CLVS1: variants seen among roughly 807,000 people sequenced by gnomAD.
CLVS1 encodes clavesin-1.
Under a neutral mutation model 33.1 loss-of-function variants are expected in CLVS1, and 10 were observed. The ratio of observed to expected loss-of-function variants is 0.30; its 90% CI spans 0.19 to 0.51. The LOEUF (loss-of-function observed/expected upper bound fraction) is 0.51, where lower values mean the gene tolerates loss of function less well. Ranked by LOEUF, CLVS1 falls within the 20% of genes least tolerant of loss-of-function variation. CLVS1 has a pLI of 0.97. For missense variants in CLVS1, 343 were observed against 433.4 expected, an observed-to-expected ratio of 0.79 and a Z score of 1.85; for synonymous variants, 163 against 166.1, an observed-to-expected ratio of 0.98 and a Z score of 0.14.
the CLVS1 span, among the ~76,000 whole-genome samples, chr8:61,042,028 G>A: frequency 6.6e-6 from 1 of 152,176 alleles, no homozygotes; most frequent in East Asian, 1.9e-4. Context: ...TAAGAGTTTT[G>A]TTAACTTGGA....
intron 2 of CLVS1, among the ~76,000 whole-genome samples, chr8:61,322,923 C>T (rs1585800626): frequency 6.6e-6 from 1 of 152,136 alleles, no homozygotes; most frequent in East Asian, 1.9e-4. Flanking sequence ...TACTTTGAAC[C>T]TCCCAAATTT....
At chr8:61,110,021 T>C (rs779075734) in intron 1 of CLVS1, among the ~76,000 whole-genome samples, 44 of 152,170 alleles carry the variant, frequency 2.9e-4, no homozygotes, top group Non-Finnish European at 3.8e-4. Flanking sequence ...ACTAAGACAT[T>C]AGCCTCACTT....
chr8:61,081,020 C>T (rs898797811), intron 1 of CLVS1, among the ~76,000 whole-genome samples: 4 of 152,128 alleles, frequency 2.6e-5, no homozygotes, highest in African/African-American at 7.2e-5. Context: ...CAGAAAATGT[C>T]TACAATCTTA....
chr8:61,382,482 G>A (rs1163362054), intron 3 of CLVS1, among the ~76,000 whole-genome samples: 2 of 152,136 alleles, frequency 1.3e-5, no homozygotes, highest in East Asian at 3.8e-4. Flanking sequence ...CTGAGAGCTG[G>A]TTAGAAATGC....
At chr8:61,392,842 C>CAAAAAAAAAAAAAAAAAAAA (rs570764748) in intron 3 of CLVS1, among the ~76,000 whole-genome samples, 1 of 149,572 alleles carries the variant, frequency 6.7e-6, no homozygotes, top group African/African-American at 2.5e-5. Flanking sequence ...GACTCTGTCT[C>CAAAAAAAAAAAAAAAAAAAA]AAAAAAAACA....
intron 3 of CLVS1, among the ~76,000 whole-genome samples, chr8:61,402,372 C>A (rs4147445): frequency 0.57 from 85,863 of 151,828 alleles, 28,457 homozygotes; most frequent in Non-Finnish European, 0.73. Context: ...CCTAGGGATC[C>A]TTATACTCCT....
At chr8:60,968,335 G>A in the CLVS1 span, among the ~76,000 whole-genome samples, 1 of 152,150 alleles carries the variant, frequency 6.6e-6, no homozygotes, top group Non-Finnish European at 1.5e-5. Flanking sequence ...GACCAACATG[G>A]TGAAACCCTG....
At chr8:61,245,498 A>G (rs185000882) in intron 2 of CLVS1, among the ~76,000 whole-genome samples, 5 of 151,790 alleles carry the variant, frequency 3.3e-5, no homozygotes, top group African/African-American at 4.8e-5. Context: ...TCTGTCTTTC[A>G]TAAGAAGCAT....
At chr8:61,483,009 T>C (rs200696884) in intron 5 of CLVS1, among the ~76,000 whole-genome samples, 3 of 151,866 alleles carry the variant, frequency 2.0e-5, no homozygotes, top group Admixed American at 1.3e-4. Context: ...AAAATTGACA[T>C]CCTAACATCA....
At chr8:61,267,705 AT>A (rs1809340231) in intron 2 of CLVS1, among the ~76,000 whole-genome samples, 2 of 152,224 alleles carry the variant, frequency 1.3e-5, no homozygotes. Context: ...AATATATTAA[AT>A]GATAATCATG....
chr8:61,171,001 T>C (rs1302310973), intron 2 of CLVS1, among the ~76,000 whole-genome samples: 3 of 152,232 alleles, frequency 2.0e-5, no homozygotes, highest in Admixed American at 6.5e-5. Flanking sequence ...GAGTAAAACA[T>C]ATGACTCTTT....
At chr8:61,353,427 C>T (rs1262512162) in intron 2 of CLVS1, among the ~76,000 whole-genome samples, 1 of 151,862 alleles carries the variant, frequency 6.6e-6, no homozygotes, top group Non-Finnish European at 1.5e-5. Flanking sequence ...GGAAATTAAA[C>T]ATACACTTCT....
At chr8:61,347,139 C>T (rs936152547) in intron 2 of CLVS1, among the ~76,000 whole-genome samples, 1 of 152,152 alleles carries the variant, frequency 6.6e-6, no homozygotes, top group Non-Finnish European at 1.5e-5. Context: ...AAGGCACAGA[C>T]ATGCTGAGCC....
chr8:61,421,660 C>A (rs1370968018), intron 3 of CLVS1, among the ~76,000 whole-genome samples: 1 of 152,258 alleles, frequency 6.6e-6, no homozygotes, highest in Non-Finnish European at 1.5e-5. Flanking sequence ...TGGTGTCCAG[C>A]TGAACAGGTT....
chr8:61,197,801 T>C (rs1216273102), intron 2 of CLVS1, among the ~76,000 whole-genome samples: 1 of 152,220 alleles, frequency 6.6e-6, no homozygotes, highest in Non-Finnish European at 1.5e-5. Flanking sequence ...ATTACAGGCA[T>C]AAGCCACAGT....
intron 2 of CLVS1, among the ~76,000 whole-genome samples, chr8:61,159,869 G>A (rs967919870): frequency 6.6e-6 from 1 of 152,152 alleles, no homozygotes; most frequent in African/African-American, 2.4e-5. Flanking sequence ...TCAAACCATT[G>A]TCTACACCCA....
chr8:61,441,868 G>C (rs1163056743), intron 3 of CLVS1, among the ~76,000 whole-genome samples: 1 of 152,200 alleles, frequency 6.6e-6, no homozygotes, highest in Admixed American at 6.5e-5. Context: ...ACTTAACACT[G>C]TCTGAGACTC....
chr8:61,161,801 C>T (rs558385121), intron 2 of CLVS1, among the ~76,000 whole-genome samples: 8 of 152,086 alleles, frequency 5.3e-5, no homozygotes, highest in Non-Finnish European at 8.8e-5. Flanking sequence ...ATGTTCTCAT[C>T]GCAAAAAAAT....
At chr8:61,434,162 TGGA>T (rs977476312) in intron 3 of CLVS1, among the ~76,000 whole-genome samples, 15 of 152,306 alleles carry the variant, frequency 9.8e-5, no homozygotes, top group African/African-American at 3.4e-4. Flanking sequence ...GGGAAGTCAC[TGGA>T]GGGTTTTCAT....
Sources: allele counts gnomAD v4.1 joint callset (sites outside exome capture counted in the v4.1 genomes callset), GRCh38; gene constraint gnomAD v4.1.1; transcripts MANE v1.5; gene names NCBI Gene and HGNC (gene_info 2026-07-23, HGNC 2026-07-21).